ZNF2: variants seen among roughly 807,000 people sequenced by gnomAD.
ZNF2 encodes zinc finger protein 2.
A neutral mutation model predicts 21.9 loss-of-function variants in ZNF2; 12 were observed. That is an observed-to-expected ratio of 0.55 (90% CI 0.35 to 0.89). ZNF2 has a LOEUF of 0.89. Ranked by LOEUF, ZNF2 falls within the 40% of genes least tolerant of loss-of-function variation. The pLI is 0.01. For missense variants in ZNF2, 462 were observed against 544.2 expected (o/e 0.85, Z 1.50); for synonymous variants, 186 against 196.3 (o/e 0.95, Z 0.44).
At chr2:95,172,214 C>T (rs114362324) in intron 1 of ZNF2, among the ~76,000 whole-genome samples, 1 of 152,146 alleles carries the variant, frequency 6.6e-6, no homozygotes, top group Non-Finnish European at 1.5e-5. Flanking sequence ...TCCAGACCCT[C>T]CAATAGGAGA....
In ZNF2 at chr2:95,181,502, G is replaced by T; in HGVS notation, c.674G>T (p.Gly225Val). 1 of 1,614,166 alleles carries T rather than the reference G, an allele frequency of 6.2e-7. No individual in the cohort carries two copies. The highest frequency in any genetic ancestry group is 1.3e-5 in the African/African-American group (1 of 75,048). ...SLSRHLMSHT[G>V]ESPYECSVCS... Reference sequence around the variant, plus strand: ...AGCAGACATCTGATGTCACACACTGGGGAGAGCCCCTACGAGTGCAGTGTG... The same window carrying T: ...AGCAGACATCTGATGTCACACACTGTGGAGAGCCCCTACGAGTGCAGTGTG... Residue 225 changes from glycine to valine, a missense_variant, in exon 5 of 5, where the codon GGG becomes GTG. By Grantham distance (109) the Gly-to-Val change is moderately radical. Coordinates refer to ENST00000614034, the MANE Select transcript of ZNF2 (RefSeq NM_021088.4).
intron 1 of ZNF2, among the ~76,000 whole-genome samples, chr2:95,168,994 T>A (rs1674182889): frequency 6.6e-6 from 1 of 152,196 alleles, no homozygotes; most frequent in South Asian, 2.1e-4. Flanking sequence ...AGACTGAATT[T>A]AGGGGACATT....
Position 95,176,146 on chromosome 2 carries a change from T to C in ZNF2, c.-39-42T>C, listed in dbSNP as rs978432850. 1.9e-6 allele frequency: 3 copies of C among 1,569,872 alleles called. No individual in the cohort carries two copies. In the African/African-American group the frequency reaches 4.0e-5, roughly 21 times the overall value. ...AAAGACTATGCGACAGGACTGGTCT[T>C]TCTCCTACCTTCTTTCTCACCCCCC... is the stretch of plus-strand genomic sequence containing the variant. On this transcript the variant is annotated intron_variant, in intron 1 of 4. Transcript: ENST00000614034.
intron 1 of ZNF2, among the ~76,000 whole-genome samples, chr2:95,166,494 A>G (rs879875204): frequency 2.0e-5 from 3 of 152,184 alleles, no homozygotes; most frequent in East Asian, 1.9e-4. Flanking sequence ...GGTGGCTTAT[A>G]TAGGTGTGAT....
chr2:95,181,993 C>T lies in ZNF2; in HGVS notation c.1165C>T (p.Arg389Cys), dbSNP rs1225735714. ...GCGGTGCCGGCTCACGCGGCATCAG[C>T]GTGTCCACACGGGAGAGAAGCCCTT... Reference protein sequence around the residue: ...SQRCRLTRHQRVHTGEKPFEC... With the variant: ...SQRCRLTRHQCVHTGEKPFEC... Residue 389 changes from arginine (R) to cysteine (C), a missense_variant, in exon 5 of 5, where the codon CGT becomes TGT. Transcript: ENST00000614034. The T allele has an allele frequency of 3.1e-6, 5 of 1,614,162 alleles. No homozygotes were observed. The highest frequency in any genetic ancestry group is 1.3e-5 in the African/African-American group (1 of 74,960).
At chr2:95,169,869 C>T (rs3112228) in intron 1 of ZNF2, among the ~76,000 whole-genome samples, 119,560 of 152,196 alleles carry the variant, frequency 0.79, 47,249 homozygotes, top group African/African-American at 0.84. Context: ...CTTTACTTAG[C>T]ACATTATTCT....
chr2:95,166,813 G>C (rs1300118041), intron 1 of ZNF2, among the ~76,000 whole-genome samples: 1 of 152,194 alleles, frequency 6.6e-6, no homozygotes, highest in East Asian at 1.9e-4. Context: ...AGGAAGAGGC[G>C]TTGATGTGTG....
At chr2:95,174,195 A>G (rs1470420908) in intron 1 of ZNF2, among the ~76,000 whole-genome samples, 1 of 152,240 alleles carries the variant, frequency 6.6e-6, no homozygotes, top group Non-Finnish European at 1.5e-5. Context: ...AGTGTTAATG[A>G]TGAGTCATAA....
intron 1 of ZNF2, among the ~76,000 whole-genome samples, chr2:95,172,859 A>G (rs773768456): frequency 3.3e-5 from 5 of 150,036 alleles, no homozygotes; most frequent in Non-Finnish European, 5.9e-5. Context: ...CTGGTCTTGA[A>G]CTCCTAACCT....
rs1393326913 is a variant in ZNF2 at position 95,177,357 on chromosome 2, C to T, written c.34-126C>T. On this transcript the variant is annotated intron_variant, in intron 2 of 4. Coordinates refer to ENST00000614034, the MANE Select transcript of ZNF2 (RefSeq NM_021088.4). ...TTTTCCCAAATGCTTTAAAGTTCTA[C>T]TCAGTCAGAACTGTTTTTCTTTCCT... The T allele has an allele frequency of 4.4e-6, 5 of 1,130,172 alleles. No homozygotes were observed. In the African/African-American group the frequency reaches 7.8e-5, roughly 18 times the overall value. 70.0% of individuals were successfully genotyped at this position (1,130,172 alleles called of 1,614,324 possible). A position where few individuals can be genotyped will look rare whatever the true frequency, so the allele number is the denominator to read the frequency against.
intron 1 of ZNF2, among the ~76,000 whole-genome samples, chr2:95,173,825 C>T (rs760628214): frequency 2.6e-4 from 39 of 152,346 alleles, no homozygotes; most frequent in Non-Finnish European, 5.3e-4. Context: ...TCTCCTGCCT[C>T]AGCCTCCCAA....
chr2:95,182,211 TTGTCC>T lies in ZNF2; in HGVS notation c.*113_*117del. The T allele has an allele frequency of 7.0e-7, 1 of 1,418,550 alleles. No homozygotes were observed. The highest frequency in any genetic ancestry group is 9.5e-7 in the Non-Finnish European group (1 of 1,054,900). 87.9% of individuals were successfully genotyped at this position (1,418,550 alleles called of 1,614,324 possible). ...CTCATTCTACCCACTCTGGCTGCCG[TTGTCC>T]TGTCCTGCTTCTGCGCCAGAGTGTT... is the stretch of plus-strand genomic sequence containing the variant. On this transcript the variant is annotated 3_prime_UTR_variant, in exon 5 of 5. Transcript: ENST00000614034.
At chr2:95,177,710 G>T (rs973137880) in intron 3 of ZNF2, 101 bp downstream of exon 3, 3 of 1,418,032 alleles carry the variant, frequency 2.1e-6, no homozygotes, top group Non-Finnish European at 2.8e-6. Flanking sequence ...TGAGTTCTGA[G>T]CCACCTGAGA....
intron 1 of ZNF2, among the ~76,000 whole-genome samples, chr2:95,169,831 C>T (rs1314682490): frequency 6.6e-6 from 1 of 152,138 alleles, no homozygotes; most frequent in African/African-American, 2.4e-5. Context: ...TATAACATTA[C>T]TTATTACATT....
intron 1 of ZNF2, among the ~76,000 whole-genome samples, chr2:95,172,045 A>G (rs879551477): frequency 6.6e-6 from 1 of 152,194 alleles, no homozygotes; most frequent in African/African-American, 2.4e-5. Context: ...TCTTTCTCCC[A>G]TGTGGGTGTC....
At position 95,181,405 on chromosome 2, in the gene ZNF2, A is replaced by C; in HGVS notation, c.577A>C (p.Arg193=). 6.2e-7 allele frequency: 1 copy of C among 1,614,186 alleles called. No homozygotes were observed. Among genetic ancestry groups the C allele is most frequent in the Non-Finnish European group, 8.5e-7 (1 of 1,180,028 alleles). ...CCACTCATCCCTCACCCGCCATCAG[A>C]GGACTCACACTGGGGAGAAGCCCTA... is the stretch of plus-strand genomic sequence containing the variant. The part of the protein sequence containing the change: ...FDHSSLTRHQ[R]THTGEKPYDC... The change falls in exon 5 of 5, where the codon AGG becomes CGG. Residue 193 remains arginine, a synonymous_variant. Transcript: ENST00000614034.
chr2:95,166,130 C>A (rs188540348), intron 1 of ZNF2, among the ~76,000 whole-genome samples: 2 of 151,644 alleles, frequency 1.3e-5, no homozygotes, highest in Admixed American at 1.3e-4. Context: ...CCGCCTCTCC[C>A]GTTTCTTCTT....
intron 1 of ZNF2, among the ~76,000 whole-genome samples, chr2:95,168,405 A>G (rs975457355): frequency 6.0e-5 from 9 of 149,566 alleles, no homozygotes; most frequent in African/African-American, 2.3e-4. Context: ...AGCCTGGGCG[A>G]CAGAGCCAGA....
In ZNF2 at chr2:95,180,217, G is replaced by A. The variant is rs1674592132; in HGVS notation, c.219G>A (p.Trp73Ter). The change falls in exon 4 of 5, where the codon TGG (tryptophan) becomes TGA (stop). Residue 73 changes from tryptophan to a stop codon, truncating the protein, a stop_gained. Transcript: ENST00000614034. LOFTEE classifies it high-confidence loss of function. ...AATTGAAGAGAGGGGACAAGCCGTG[G>A]ATGGTAGATCTTCATGGGTCTGAGG... ...IFQLKRGDKP[W>*]MVDLHGSEER... The A allele has an allele frequency of 6.2e-7, 1 of 1,614,168 alleles. No homozygotes were observed. Among genetic ancestry groups the A allele is most frequent in the African/African-American group, 1.3e-5 (1 of 75,054 alleles).
Sources: gnomAD v4.1 joint callset for allele counts (sites outside exome capture counted in the v4.1 genomes callset) on GRCh38, gnomAD v4.1.1 for gene constraint, MANE v1.5 for transcripts, NCBI Gene and HGNC (gene_info 2026-07-23, HGNC 2026-07-21) for gene names.